WBP1L: variants seen among roughly 807,000 people sequenced by gnomAD.
The protein encoded by WBP1L is WW domain binding protein 1 like.
Under a neutral mutation model 33.7 loss-of-function variants are expected in WBP1L, and 17 were observed. That is an observed-to-expected ratio of 0.50 (90% confidence interval 0.34 to 0.76). The LOEUF (loss-of-function observed/expected upper bound fraction) is 0.76. WBP1L is among the 30% of genes least tolerant of loss of function. The probability of loss-of-function intolerance (pLI) is 0.01; values close to 1 mark genes in which losing one functional copy is unlikely to be tolerated. For missense variants in WBP1L, 389 were observed against 469.4 expected, an observed-to-expected ratio of 0.83 and a Z score of 1.58; for synonymous variants, 173 against 190.8, an observed-to-expected ratio of 0.91 and a Z score of 0.77.
At chr10:102,794,438 C>T (rs972118952) in intron 1 of WBP1L, among the ~76,000 whole-genome samples, 2 of 151,364 alleles carry the variant, frequency 1.3e-5, no homozygotes, top group Non-Finnish European at 2.9e-5. Context: ...AAAATCACGC[C>T]ACTGCATACC....
chr10:102,763,566 C>T (rs151175815), intron 1 of WBP1L, among the ~76,000 whole-genome samples: 28 of 152,230 alleles, frequency 1.8e-4, no homozygotes, highest in Non-Finnish European at 2.6e-4. Flanking sequence ...AGACCTGGAA[C>T]AATTTAGTTT....
Position 102,798,225 on chromosome 10 carries a change from T to C in WBP1L, c.193+130T>C. On this transcript the variant is annotated intron_variant, in intron 2 of 3. Coordinates refer to ENST00000448841, the MANE Select transcript of WBP1L (RefSeq NM_001083913.2). ...AGTGTTGGTGAGTGGAATCTGTTTATGGGTTCCAGAAGTGCTTCCTTTGTA... is the reference window on the plus strand; with the variant it reads ...AGTGTTGGTGAGTGGAATCTGTTTACGGGTTCCAGAAGTGCTTCCTTTGTA... The C allele has an allele frequency of 5.5e-6, 4 of 724,748 alleles. No individual in the cohort carries two copies. The South Asian group carries it at 7.1e-5, about 13-fold the overall frequency. 44.9% of individuals were successfully genotyped at this position (724,748 alleles called of 1,614,324 possible).
chr10:102,812,906 G>A lies in WBP1L; in HGVS notation c.667G>A (p.Gly223Ser). The change falls in exon 4 of 4, where the codon GGC becomes AGC. Residue 223 changes from glycine (G) to serine (S), a missense_variant. Physicochemically the swap from Gly to Ser is moderately conservative, Grantham distance 56. Coordinates refer to ENST00000448841, the MANE Select transcript of WBP1L (RefSeq NM_001083913.2). Reference protein sequence around the residue: ...PGMEPSGSVAGLGELDPGAFL... With the variant: ...PGMEPSGSVASLGELDPGAFL... ...GATGGAGCCCAGTGGCTCTGTGGCT[G>A]GCCTGGGGGAGCTGGACCCGGGGGC... 4 of 1,580,956 alleles carry A rather than the reference G, an allele frequency of 2.5e-6. No individual in the cohort carries two copies. Among genetic ancestry groups the A allele is most frequent in the Non-Finnish European group, 3.4e-6 (4 of 1,161,296 alleles).
chr10:102,783,920 G>C (rs933314579), intron 1 of WBP1L, among the ~76,000 whole-genome samples: 1 of 152,186 alleles, frequency 6.6e-6, no homozygotes, highest in South Asian at 2.1e-4. Flanking sequence ...TTTAATAAAG[G>C]GGAAATAGGT....
At chr10:102,772,854 G>C (rs866969918) in intron 1 of WBP1L, among the ~76,000 whole-genome samples, 1 of 151,352 alleles carries the variant, frequency 6.6e-6, no homozygotes, top group African/African-American at 2.4e-5. Flanking sequence ...ACAGGCGTGA[G>C]CCATGGTGCC....
chr10:102,764,028 G>T (rs766523995), intron 1 of WBP1L, among the ~76,000 whole-genome samples: 1 of 151,274 alleles, frequency 6.6e-6, no homozygotes, highest in Admixed American at 6.6e-5. Flanking sequence ...TGGCGAGGTC[G>T]GTCTCAAACT....
rs775616473 is a variant in WBP1L at position 102,813,236 on chromosome 10, C to T, written c.997C>T (p.His333Tyr). The change falls in exon 4 of 4, where the codon CAC (histidine) becomes TAC (tyrosine). Residue 333 changes from histidine to tyrosine, a missense_variant. Coordinates refer to ENST00000448841, the MANE Select transcript of WBP1L (RefSeq NM_001083913.2). ...TGAGGAGCAGGCTCGAGAGCCTGGG[C>T]ACCCGCACCTGCCACGGCCGCCCGC... ...SSEEQAREPGHPHLPRPPACL... is the reference protein window; with the variant it reads ...SSEEQAREPGYPHLPRPPACL... 2.9e-5 allele frequency: 47 copies of T among 1,612,376 alleles called. No individual in the cohort carries two copies. Among genetic ancestry groups the T allele is most frequent in the Non-Finnish European group, 3.6e-5 (42 of 1,179,910 alleles).
intron 1 of WBP1L, among the ~76,000 whole-genome samples, chr10:102,766,486 G>A: frequency 6.8e-6 from 1 of 148,064 alleles, no homozygotes; most frequent in South Asian, 2.2e-4. Context: ...GTTGGGCATT[G>A]TAGTAAACGC....
chr10:102,813,145 G>A lies in WBP1L; in HGVS notation c.906G>A (p.Leu302=). 1.2e-6 allele frequency: 2 copies of A among 1,614,062 alleles called. No homozygotes were observed. The highest frequency in any genetic ancestry group is 1.7e-6 in the Non-Finnish European group (2 of 1,180,032). Residue 302 remains leucine, a synonymous_variant, in exon 4 of 4, where the codon CTG becomes CTA. Coordinates refer to ENST00000448841, the MANE Select transcript of WBP1L (RefSeq NM_001083913.2). ...TCGATGATGCTCTGGATGGGCCCCT[G>A]GACTTCTGCGACAGCTGCCATGTGC... ...TLIDDALDGP[L]DFCDSCHVRP... is the part of the protein sequence containing the mutation.
At chr10:102,749,861 T>C (rs1440877295) in intron 1 of WBP1L, among the ~76,000 whole-genome samples, 3 of 151,698 alleles carry the variant, frequency 2.0e-5, no homozygotes, top group African/African-American at 7.3e-5. Flanking sequence ...CACTGCCACC[T>C]CTGACTCCCG....
intron 2 of WBP1L, among the ~76,000 whole-genome samples, chr10:102,800,789 C>T (rs1452099020): frequency 6.6e-6 from 1 of 152,168 alleles, no homozygotes; most frequent in African/African-American, 2.4e-5. Flanking sequence ...TTGCTTTCAA[C>T]CCTGTTCCCT....
intron 3 of WBP1L, 100 bp from the exon 4 acceptor site, chr10:102,812,495 G>A: frequency 1.4e-6 from 2 of 1,382,932 alleles, no homozygotes; most frequent in Non-Finnish European, 9.7e-7. Flanking sequence ...TGGGTGCTCT[G>A]GGGTGGGAAG....
chr10:102,776,068 A>C (rs1421977620), intron 1 of WBP1L: 1 of 980,700 alleles, frequency 1.0e-6, no homozygotes, highest in Admixed American at 6.2e-5. Flanking sequence ...TCAGTATTCC[A>C]GTGCAGCTGT....
At position 102,781,032 on chromosome 10, in the gene WBP1L, G is replaced by C. The variant is rs575800059; in HGVS notation, c.91-16961G>C. Among the ~76,000 whole-genome samples the C allele has an allele frequency of 3.8e-4, 58 of 152,330 alleles. 1 individual carries two copies. Among genetic ancestry groups the C allele is most frequent in the African/African-American group, 1.3e-3 (53 of 41,568 alleles). On this transcript the variant is annotated intron_variant, in intron 1 of 3. Transcript: ENST00000448841. ...AGCCCTCTTAGGGTCCCTTTTCCAGGTTGGAATTTGTCATGGAAAGAGGCA... is the reference window on the plus strand; with the variant it reads ...AGCCCTCTTAGGGTCCCTTTTCCAGCTTGGAATTTGTCATGGAAAGAGGCA...
chr10:102,799,418 G>C (rs575472170), intron 2 of WBP1L, among the ~76,000 whole-genome samples: 1 of 152,164 alleles, frequency 6.6e-6, no homozygotes, highest in Non-Finnish European at 1.5e-5. Flanking sequence ...CAAGTTGCAC[G>C]ACAGTGGTGA....
chr10:102,789,930 G>A (rs1843473170), intron 1 of WBP1L, among the ~76,000 whole-genome samples: 1 of 151,552 alleles, frequency 6.6e-6, no homozygotes, highest in Non-Finnish European at 1.5e-5. Context: ...AGTAGAGATG[G>A]GGTTTCACAG....
rs113076216 is a variant in WBP1L at position 102,771,901 on chromosome 10, G to A, written c.91-26092G>A. On this transcript the variant is annotated intron_variant, in intron 1 of 3. Transcript: ENST00000448841. The stretch of plus-strand genomic sequence containing the variant: ...TCTCTGAATTGCAGAGGAGGAGACT[G>A]CCTCGGTAGAAGGATATCTCAGATG... 4.7e-3 allele frequency among the ~76,000 whole-genome samples: 709 copies of A among 152,176 alleles called. 10 individuals carry two copies. The highest frequency in any genetic ancestry group is 0.017 in the African/African-American group (690 of 41,502).
At chr10:102,761,355 G>C (rs1843038705) in intron 1 of WBP1L, among the ~76,000 whole-genome samples, 1 of 151,782 alleles carries the variant, frequency 6.6e-6, no homozygotes, top group Non-Finnish European at 1.5e-5. Flanking sequence ...GATCAGGCTG[G>C]TCTGGAACTC....
intron 1 of WBP1L, among the ~76,000 whole-genome samples, chr10:102,745,568 G>C (rs1403588061): frequency 1.3e-5 from 2 of 152,134 alleles, no homozygotes; most frequent in African/African-American, 2.4e-5. Flanking sequence ...TGTGGTCTTT[G>C]TGCCTGGCTC....
Sources: allele counts gnomAD v4.1 joint callset (sites outside exome capture counted in the v4.1 genomes callset), GRCh38; gene constraint gnomAD v4.1.1; transcripts MANE v1.5; gene names NCBI Gene and HGNC (gene_info 2026-07-23, HGNC 2026-07-21).